The following AFF3 variants were observed in gnomAD, a reference collection of about 807,000 sequenced individuals.
AFF3 encodes the protein ALF transcription elongation factor 3, also known as AF4/FMR2 family member 3.
A neutral mutation model predicts 129.7 loss-of-function variants in AFF3; 32 were observed. That is an observed-to-expected ratio of 0.25 (90% CI 0.19 to 0.33). The LOEUF is 0.33. Ranked by LOEUF, AFF3 falls within the 10% of genes least tolerant of loss-of-function variation. The pLI is 1.00. For missense variants in AFF3, 1,373 were observed against 1,592.0 expected (o/e 0.86, Z 2.34); for synonymous variants, 644 against 635.4 (o/e 1.01, Z -0.20).
At chr2:99,749,214 T>C (rs923960191) in intron 9 of AFF3, among the ~76,000 whole-genome samples, 2 of 152,234 alleles carry the variant, frequency 1.3e-5, no homozygotes, top group African/African-American at 4.8e-5. Flanking sequence ...ATTAGCTTGA[T>C]TGTGGTGATT....
chr2:100,043,565 T>C (rs1337922792), intron 4 of AFF3, among the ~76,000 whole-genome samples: 1 of 152,052 alleles, frequency 6.6e-6, no homozygotes, highest in African/African-American at 2.4e-5. Flanking sequence ...TTCAAAGAAA[T>C]TGAACATAGA....
In AFF3 at chr2:99,866,523, AC is replaced by A. The variant is rs571928226; in HGVS notation, c.874-29000del. On this transcript the variant is annotated intron_variant, in intron 7 of 24. Transcript: ENST00000672756. ...AGCCTGGAAACCAGAAGAAACTGCC[AC>A]CATCATCACCCTCCTCACTGGAAGG... 1.5e-3 allele frequency among the ~76,000 whole-genome samples: 222 copies of A among 152,264 alleles called. 1 individual carries two copies. Among genetic ancestry groups the A allele is most frequent in the African/African-American group, 5.1e-3 (214 of 41,562 alleles).
intron 4 of AFF3, among the ~76,000 whole-genome samples, chr2:100,078,713 G>A (rs1279916694): frequency 2.6e-5 from 4 of 152,066 alleles, no homozygotes; most frequent in Non-Finnish European, 5.9e-5. Context: ...TATCCTCAAG[G>A]GATTGGTTCT....
chr2:99,590,512 A>C (rs1678561415), intron 15 of AFF3, among the ~76,000 whole-genome samples: 1 of 152,208 alleles, frequency 6.6e-6, no homozygotes, highest in Non-Finnish European at 1.5e-5. Context: ...GGGCCCATGA[A>C]AAGCTGGACC....
chr2:99,756,845 G>T (rs190668719), intron 8 of AFF3, among the ~76,000 whole-genome samples: 1 of 152,228 alleles, frequency 6.6e-6, no homozygotes, highest in East Asian at 1.9e-4. Context: ...ATAATATTGT[G>T]CATGTGTGTG....
At chr2:100,107,536 C>T in intron 2 of AFF3, 3 of 982,350 alleles carry the variant, frequency 3.1e-6, no homozygotes, top group Non-Finnish European at 3.6e-6. Context: ...AGCTTTTGCT[C>T]ATCCTATAGT....
chr2:99,750,411 TTC>T (rs202186944), intron 9 of AFF3, among the ~76,000 whole-genome samples: 93,865 of 130,334 alleles, frequency 0.72, 32,915 homozygotes, highest in South Asian at 0.86. Flanking sequence ...CTTTTTTTTT[TTC>T]TTTTCTTTTT....
intron 8 of AFF3, among the ~76,000 whole-genome samples, chr2:99,819,459 C>G (rs1042934028): frequency 6.6e-6 from 1 of 152,148 alleles, no homozygotes; most frequent in South Asian, 2.1e-4. Flanking sequence ...GTTATTTTAA[C>G]AAGAATAATA....
chr2:99,949,067 A>G (rs766182935), intron 7 of AFF3, among the ~76,000 whole-genome samples: 14 of 152,144 alleles, frequency 9.2e-5, no homozygotes, highest in Non-Finnish European at 1.8e-4. Context: ...GGGGGTCAGA[A>G]CACCTCGAGA....
At chr2:99,781,068 G>A (rs1684368610) in intron 8 of AFF3, among the ~76,000 whole-genome samples, 1 of 152,130 alleles carries the variant, frequency 6.6e-6, no homozygotes, top group Non-Finnish European at 1.5e-5. Flanking sequence ...CCATGACTCA[G>A]TACTCATCAT....
intron 7 of AFF3, among the ~76,000 whole-genome samples, chr2:99,934,049 T>C (rs1674294801): frequency 6.6e-6 from 1 of 152,112 alleles, no homozygotes; most frequent in Non-Finnish European, 1.5e-5. Context: ...GTCATTTCTC[T>C]AGAATGGTGT....
chr2:99,887,416 A>G (rs965097541), intron 7 of AFF3, among the ~76,000 whole-genome samples: 3 of 152,242 alleles, frequency 2.0e-5, no homozygotes, highest in African/African-American at 7.2e-5. Context: ...ATAACTGTTC[A>G]GTCAGGGGAG....
At chr2:99,576,927 C>T (rs1677055714) in intron 18 of AFF3, among the ~76,000 whole-genome samples, 1 of 152,146 alleles carries the variant, frequency 6.6e-6, no homozygotes, top group African/African-American at 2.4e-5. Context: ...GGGTTAATCA[C>T]CACCTACCTC....
At chr2:100,056,268 A>G (rs1686778001) in intron 4 of AFF3, among the ~76,000 whole-genome samples, 1 of 152,172 alleles carries the variant, frequency 6.6e-6, no homozygotes, top group Admixed American at 6.6e-5. Flanking sequence ...GATCCCATCT[A>G]AACAAGAAAA....
chr2:99,551,844 T>C (rs1404225578), intron 24 of AFF3, among the ~76,000 whole-genome samples: 7 of 152,188 alleles, frequency 4.6e-5, no homozygotes, highest in Non-Finnish European at 1.0e-4. Flanking sequence ...CTTAGCCAAA[T>C]AGCAAAGAAA....
intron 7 of AFF3, among the ~76,000 whole-genome samples, chr2:99,874,156 G>A (rs1479795293): frequency 3.9e-5 from 6 of 152,068 alleles, no homozygotes; most frequent in African/African-American, 1.2e-4. Context: ...CAGCCTGGGC[G>A]ATAGAGCTAG....
chr2:99,585,276 T>C (rs1354986703), intron 16 of AFF3, among the ~76,000 whole-genome samples: 1 of 152,218 alleles, frequency 6.6e-6, no homozygotes, highest in Non-Finnish European at 1.5e-5. Flanking sequence ...ATTGCCTGTT[T>C]TTCATCACTG....
intron 18 of AFF3, among the ~76,000 whole-genome samples, chr2:99,570,221 T>A (rs1281370551): frequency 6.6e-6 from 1 of 152,220 alleles, no homozygotes; most frequent in East Asian, 1.9e-4. Context: ...TTTCTCCATA[T>A]GAATGGCTTT....
chr2:100,027,276 C>G (rs1009468958), intron 4 of AFF3, among the ~76,000 whole-genome samples: 1 of 152,184 alleles, frequency 6.6e-6, no homozygotes, highest in Non-Finnish European at 1.5e-5. Flanking sequence ...TAATTTGCAT[C>G]TGCTCCAGAA....
Sources: gnomAD v4.1 joint callset for allele counts (sites outside exome capture counted in the v4.1 genomes callset) on GRCh38, gnomAD v4.1.1 for gene constraint, MANE v1.5 for transcripts, NCBI Gene and HGNC (gene_info 2026-07-23, HGNC 2026-07-21) for gene names.